Variants in CD37 observed in about 807,000 individuals in gnomAD.
CD37 encodes leukocyte antigen CD37.
A neutral mutation model predicts 38.9 loss-of-function variants in CD37; 37 were observed. The observed-to-expected ratio is 0.95, with a 90% CI of 0.73 to 1.25. The LOEUF is 1.25. Among genes scored for constraint, CD37 ranks in the 50% most tolerant of loss-of-function variants. The pLI, the probability that CD37 is intolerant of heterozygous loss-of-function variation, is 0.00. For synonymous variants in CD37, 146 were observed against 150.1 expected, an observed-to-expected ratio of 0.97 and a Z score of 0.20; for missense variants, 351 against 360.1, an observed-to-expected ratio of 0.97 and a Z score of 0.20.
In CD37 at chr19:49,339,473, C is replaced by A. The variant is rs1244676816; in HGVS notation, c.768+60C>A. On this transcript the variant is annotated intron_variant, in intron 7 of 7. Coordinates refer to ENST00000323906, the MANE Select transcript of CD37 (RefSeq NM_001774.3). The surrounding 1 kb of genome is among the most constrained non-coding windows in gnomAD (Gnocchi z 4.5). ...TAAATCCCTAGATGGCCCTGCCCTT[C>A]ATTTCGCGTCCTTCGGTTGCCTGGG... The A allele has an allele frequency of 1.9e-6, 3 of 1,565,764 alleles. No individual in the cohort carries two copies. In the South Asian group the frequency reaches 3.3e-5, roughly 17 times the overall value.
Position 49,336,927 on chromosome 19 carries a change from T to C in CD37, c.161T>C (p.Leu54Pro), listed in dbSNP as rs751596329. 6.2e-6 allele frequency: 10 copies of C among 1,614,062 alleles called. No homozygotes were observed. The highest frequency in any genetic ancestry group is 8.5e-6 in the Non-Finnish European group (10 of 1,180,012). The change falls in exon 3 of 8, where the codon CTG (leucine) becomes CCG (proline). Residue 54 changes from leucine to proline, a missense_variant. Transcript: ENST00000323906. ...CTCCCAGGCTTGGCCTTCGTGCCTC[T>C]GCAGATCTGGTCCAAAGTCCTGGCC... is the stretch of plus-strand genomic sequence containing the variant. The part of the protein sequence containing the change: ...VSFVGLAFVP[L>P]QIWSKVLAIS...
At position 49,340,418 on chromosome 19, in the gene CD37, C is replaced by T; in HGVS notation, c.*90C>T. ...GTAAATATTTGTTTAATCCCCAGTT[C>T]GCCTGGAGCCCTCCGCCTTCACATT... On this transcript the variant is annotated 3_prime_UTR_variant, in exon 8 of 8. Coordinates refer to ENST00000323906, the MANE Select transcript of CD37 (RefSeq NM_001774.3). 1 of 929,768 alleles carries T rather than the reference C, an allele frequency of 1.1e-6. No homozygotes were observed. Among genetic ancestry groups the T allele is most frequent in the Non-Finnish European group, 1.7e-6 (1 of 576,796 alleles). 57.6% of individuals were successfully genotyped at this position (929,768 alleles called of 1,614,324 possible). A position where few individuals can be genotyped will look rare whatever the true frequency, so the allele number is the denominator to read the frequency against.
At chr19:49,337,754 G>T in intron 4 of CD37, 171 bp from the exon 5 acceptor site, 1 of 1,537,126 alleles carries the variant, frequency 6.5e-7, no homozygotes, top group African/African-American at 1.4e-5. Flanking sequence ...ATGAGCCGTA[G>T]AAATAGTGGA....
chr19:49,338,560 C>T lies in CD37; in HGVS notation c.448-140C>T. ...CCCTGGCTCCGGCCCCATCGTGACC[C>T]CAGCCCACTGTCCCCCACTCCACAC... is the stretch of plus-strand genomic sequence containing the variant. On this transcript the variant is annotated intron_variant, in intron 5 of 7. Transcript: ENST00000323906. This position sits in a 1 kb window ranked among gnomAD's most constrained non-coding sequence, Gnocchi z 5.0. 1.5e-6 allele frequency: 1 copy of T among 679,314 alleles called. No individual in the cohort carries two copies. The highest frequency in any genetic ancestry group is 2.6e-6 in the Non-Finnish European group (1 of 379,572). 42.1% of individuals were successfully genotyped at this position (679,314 alleles called of 1,614,324 possible).
intron 7 of CD37, chr19:49,340,017 TTCCGAC>T (rs1971153667): frequency 1.4e-6 from 2 of 1,472,588 alleles, no homozygotes; most frequent in Non-Finnish European, 1.8e-6. Flanking sequence ...CTGGGCTTGC[TTCCGAC>T]CTTACTCCTT....
chr19:49,340,552 C>A lies in CD37; in HGVS notation c.*224C>A. The A allele has an allele frequency of 1.7e-6, 1 of 603,112 alleles. No homozygotes were observed. The allele number at this position is 603,112 out of a possible 1,614,324, so 37.4% of individuals were successfully genotyped here. ...CCCCATCTGTCGGCCTACCACCACCCACAAGATTATTTTTCACCCAAACCT... is the reference window on the plus strand; with the variant it reads ...CCCCATCTGTCGGCCTACCACCACCAACAAGATTATTTTTCACCCAAACCT... On this transcript the variant is annotated 3_prime_UTR_variant, in exon 8 of 8. Transcript: ENST00000323906.
At chr19:49,336,587 C>G (rs987305029) in intron 2 of CD37, 6 of 252,468 alleles carry the variant, frequency 2.4e-5, no homozygotes, top group Non-Finnish European at 4.6e-5. Flanking sequence ...TAGATATCAT[C>G]TCCTATGCCT....
Position 49,339,286 on chromosome 19 carries a change from G to A in CD37, c.685-44G>A. On this transcript the variant is annotated intron_variant, in intron 6 of 7. Transcript: ENST00000323906. The surrounding 1 kb of genome is among the most constrained non-coding windows in gnomAD (Gnocchi z 4.5). ...AAAAGAACGCTGGGCCTGGGCTTGA[G>A]AGTCCCAGAAAGAATCCCTTTAACT... 1 of 1,543,980 alleles carries A rather than the reference G, an allele frequency of 6.5e-7. No homozygotes were observed. Among genetic ancestry groups the A allele is most frequent in the Non-Finnish European group, 8.9e-7 (1 of 1,118,312 alleles).
Position 49,339,309 on chromosome 19 carries a change from A to C in CD37, c.685-21A>C, listed in dbSNP as rs371294821. On this transcript the variant is annotated intron_variant, in intron 6 of 7. Coordinates refer to ENST00000323906, the MANE Select transcript of CD37 (RefSeq NM_001774.3). The surrounding 1 kb of genome is among the most constrained non-coding windows in gnomAD (Gnocchi z 4.5). The stretch of plus-strand genomic sequence containing the variant: ...GAGAGTCCCAGAAAGAATCCCTTTA[A>C]CTTTTCCCTACACCCCCCAGGGCTG... The C allele has an allele frequency of 1.4e-5, 23 of 1,608,912 alleles. No individual in the cohort carries two copies. The highest frequency in any genetic ancestry group is 1.9e-5 in the Non-Finnish European group (22 of 1,176,076).
In CD37 at chr19:49,339,691, C is replaced by A. The variant is rs1487971031; in HGVS notation, c.768+278C>A. ...CATGGTGCTGAGCGTACAGCTACAG[C>A]GCAGGGCACTCCGCCGGAAATGCGA... On this transcript the variant is annotated intron_variant, in intron 7 of 7. Transcript: ENST00000323906. The surrounding 1 kb of genome is among the most constrained non-coding windows in gnomAD (Gnocchi z 4.5). 7.1e-7 allele frequency: 1 copy of A among 1,414,620 alleles called. No homozygotes were observed. The highest frequency in any genetic ancestry group is 2.6e-5 in the East Asian group (1 of 38,606). 87.6% of individuals were successfully genotyped at this position (1,414,620 alleles called of 1,614,324 possible). A position where few individuals can be genotyped will look rare whatever the true frequency, so the allele number is the denominator to read the frequency against.
chr19:49,335,526 C>A lies in CD37; in HGVS notation c.-15C>A. The A allele has an allele frequency of 6.2e-7, 1 of 1,606,180 alleles. No individual in the cohort carries two copies. The highest frequency in any genetic ancestry group is 2.2e-5 in the East Asian group (1 of 44,838). On this transcript the variant is annotated 5_prime_UTR_variant, in exon 1 of 8. Coordinates refer to ENST00000323906, the MANE Select transcript of CD37 (RefSeq NM_001774.3). The surrounding 1 kb of genome is among the most constrained non-coding windows in gnomAD (Gnocchi z 4.6). ...TTCTGTGTGGTGAGTGGACCGCTTACCCCACTAGGTGAAGATGTCAGCCCA... is the reference window on the plus strand; with the variant it reads ...TTCTGTGTGGTGAGTGGACCGCTTAACCCACTAGGTGAAGATGTCAGCCCA...
rs375688108 is a variant in CD37, at chr19:49,337,922, C to G, written c.343-3C>G. The G allele has an allele frequency of 6.2e-7, 1 of 1,613,902 alleles. No homozygotes were observed. Among genetic ancestry groups the G allele is most frequent in the Non-Finnish European group, 8.5e-7 (1 of 1,179,974 alleles). ...AGGCCCAGCCTCACTGGTGGCCTCT[C>G]AGCTGGAGCGAAGCTTGCGGGACGT... On this transcript the variant is annotated splice_region_variant and splice_polypyrimidine_tract_variant and intron_variant, in intron 4 of 7. Coordinates refer to ENST00000323906, the MANE Select transcript of CD37 (RefSeq NM_001774.3).
At chr19:49,340,161 C>T in intron 7 of CD37, 90 bp from the exon 8 acceptor site, 1 of 1,516,024 alleles carries the variant, frequency 6.6e-7, no homozygotes. Flanking sequence ...ATTCACGGCC[C>T]CACCCCTGAC....
At chr19:49,337,346 G>C in intron 4 of CD37, 125 bp downstream of exon 4, 1 of 965,378 alleles carries the variant, frequency 1.0e-6, no homozygotes, top group Non-Finnish European at 1.6e-6. Flanking sequence ...AGAGAAATAA[G>C]AGGCTGGGCC....
chr19:49,336,815 T>C, intron 2 of CD37, 94 bp from the exon 3 acceptor site: 1 of 1,389,778 alleles, frequency 7.2e-7, no homozygotes. Context: ...GGCACCAAGA[T>C]ACTGCTCCCC....
At chr19:49,336,189 A>C in intron 2 of CD37, 1 of 206,610 alleles carries the variant, frequency 4.8e-6, no homozygotes, top group East Asian at 1.2e-4. Context: ...TATAACCCTA[A>C]ACGCTCATAT....
At position 49,340,380 on chromosome 19, in the gene CD37, T is replaced by C. The variant is rs544286632; in HGVS notation, c.*52T>C. ...CGCCCCCGTCACGTGCGCTGGGCACTTCCCTGCTGCCTGTAAATATTTGTT... is the reference window on the plus strand; with the variant it reads ...CGCCCCCGTCACGTGCGCTGGGCACCTCCCTGCTGCCTGTAAATATTTGTT... On this transcript the variant is annotated 3_prime_UTR_variant, in exon 8 of 8. Coordinates refer to ENST00000323906, the MANE Select transcript of CD37 (RefSeq NM_001774.3). 8.7e-7 allele frequency: 1 copy of C among 1,155,904 alleles called. No individual in the cohort carries two copies. The highest frequency in any genetic ancestry group is 1.5e-5 in the African/African-American group (1 of 65,414). 71.6% of individuals were successfully genotyped at this position (1,155,904 alleles called of 1,614,324 possible).
chr19:49,338,973 G>A lies in CD37; in HGVS notation c.684+37G>A, dbSNP rs767197317. The A allele has an allele frequency of 1.3e-6, 2 of 1,524,326 alleles. No individual in the cohort carries two copies. The highest frequency in any genetic ancestry group is 1.8e-6 in the Non-Finnish European group (2 of 1,101,576). The allele number at this position is 1,524,326 out of a possible 1,614,324, so 94.4% of individuals were successfully genotyped here. On this transcript the variant is annotated intron_variant, in intron 6 of 7. Transcript: ENST00000323906. This position sits in a 1 kb window ranked among gnomAD's most constrained non-coding sequence, Gnocchi z 5.0. ...TTCGGAGCATAAACCTGTCGAATGG[G>A]GCGGGGCCTGCGGGAGGGGGAGGGC...
At position 49,337,026 on chromosome 19, in the gene CD37, T is replaced by G. The variant is rs369527115; in HGVS notation, c.260T>G (p.Leu87Arg). ...GCCCTCAAGGAGCTCCGCTGCCTCC[T>G]GGGCCTGGTGAGTGCACCATCCCTC... is the stretch of plus-strand genomic sequence containing the variant. ...VGALKELRCL[L>R]GLYFGMLLLL... The change falls in exon 3 of 8, where the codon CTG becomes CGG. Residue 87 changes from leucine (L) to arginine (R), a missense_variant. Coordinates refer to ENST00000323906, the MANE Select transcript of CD37 (RefSeq NM_001774.3). 4.6e-5 allele frequency: 74 copies of G among 1,613,196 alleles called. No individual in the cohort carries two copies. Among genetic ancestry groups the G allele is most frequent in the Non-Finnish European group, 6.2e-5 (73 of 1,179,510 alleles).
Sources: allele counts gnomAD v4.1 joint callset, GRCh38; gene constraint gnomAD v4.1.1; non-coding constraint Gnocchi (gnomAD v3.1); transcripts MANE v1.5; gene names NCBI Gene and HGNC (gene_info 2026-07-23, HGNC 2026-07-21).